KIF26B: variants seen among roughly 807,000 people sequenced by gnomAD.
KIF26B encodes the protein kinesin family member 26B.
Under a neutral mutation model 151.2 loss-of-function variants are expected in KIF26B, and 63 were observed. The observed-to-expected ratio is 0.42, with a 90% CI of 0.34 to 0.51. The LOEUF (loss-of-function observed/expected upper bound fraction) is 0.51, where lower values mean the gene tolerates loss of function less well. Ranked by LOEUF, KIF26B falls within the 20% of genes least tolerant of loss-of-function variation. KIF26B has a pLI of 0.07. For synonymous variants in KIF26B, 1,357 were observed against 1,262.1 expected (o/e 1.08, Z -1.59); for missense variants, 2,813 against 2,913.6 (o/e 0.97, Z 0.79).
intron 2 of KIF26B, among the ~76,000 whole-genome samples, chr1:245,184,050 GTTTTTTT>G (rs758993117): frequency 1.5e-4 from 3 of 19,804 alleles, no homozygotes; most frequent in Non-Finnish European, 2.0e-4. Flanking sequence ...GGGAGTTGTT[GTTTTTTT>G]TTTTTTTTTT....
chr1:245,578,344 G>T (rs765827105), intron 5 of KIF26B, among the ~76,000 whole-genome samples: 1 of 152,230 alleles, frequency 6.6e-6, no homozygotes, highest in Admixed American at 6.5e-5. Context: ...GTAGACATCA[G>T]CTTGGGTCTG....
intron 2 of KIF26B, among the ~76,000 whole-genome samples, chr1:245,171,971 A>G (rs1232441520): frequency 6.6e-6 from 1 of 152,256 alleles, no homozygotes; most frequent in African/African-American, 2.4e-5. Context: ...CCAAACTGCC[A>G]GAAGGGAAAA....
At chr1:245,699,122 C>T in intron 14 of KIF26B, 85 bp downstream of exon 14, 1 of 1,406,438 alleles carries the variant, frequency 7.1e-7, no homozygotes, top group Admixed American at 1.8e-5. Flanking sequence ...GTGACAGTGA[C>T]ACAGGCTGTG....
chr1:245,489,350 T>G (rs1353688185), intron 4 of KIF26B, among the ~76,000 whole-genome samples: 2 of 152,244 alleles, frequency 1.3e-5, no homozygotes, highest in African/African-American at 4.8e-5. Flanking sequence ...CTGATGCTAA[T>G]GTAGGAACGA....
In KIF26B at chr1:245,436,766, C is replaced by T. The variant is rs111354953; in HGVS notation, c.1166+17021C>T. On this transcript the variant is annotated intron_variant, in intron 4 of 14. Coordinates refer to ENST00000407071, the MANE Select transcript of KIF26B (RefSeq NM_018012.4). The stretch of plus-strand genomic sequence containing the variant: ...CCAAGTTGACACATAAAATTCATCA[C>T]CTCAAGAATCAGCACTAGGTTTAAC... 1.1e-3 allele frequency among the ~76,000 whole-genome samples: 166 copies of T among 152,290 alleles called. 1 individual carries two copies. The highest frequency in any genetic ancestry group is 3.7e-3 in the African/African-American group (153 of 41,568).
chr1:245,306,703 A>G (rs1245041698), intron 2 of KIF26B, among the ~76,000 whole-genome samples: 1 of 152,192 alleles, frequency 6.6e-6, no homozygotes, highest in Non-Finnish European at 1.5e-5. Flanking sequence ...AAATGCCATA[A>G]TTCGTCAAAC....
At chr1:245,535,952 T>C (rs1661480057) in intron 4 of KIF26B, among the ~76,000 whole-genome samples, 1 of 152,196 alleles carries the variant, frequency 6.6e-6, no homozygotes, top group African/African-American at 2.4e-5. Context: ...TGAGGCTTGA[T>C]AATAATATTT....
At chr1:245,633,946 T>C (rs906682374) in intron 9 of KIF26B, among the ~76,000 whole-genome samples, 1 of 152,122 alleles carries the variant, frequency 6.6e-6, no homozygotes, top group African/African-American at 2.4e-5. Flanking sequence ...GCTAGGATTA[T>C]AGGCACATGA....
At position 245,218,218 on chromosome 1, in the gene KIF26B, C is replaced by T. The variant is rs140160192; in HGVS notation, c.465+61535C>T. Among the ~76,000 whole-genome samples, 1,375 of 152,248 alleles carry T rather than the reference C, an allele frequency of 9.0e-3. 13 individuals are homozygous for T. Among genetic ancestry groups the T allele is most frequent in the Non-Finnish European group, 0.013 (856 of 68,008 alleles). On this transcript the variant is annotated intron_variant, in intron 2 of 14. Coordinates refer to ENST00000407071, the MANE Select transcript of KIF26B (RefSeq NM_018012.4). This position sits in a 1 kb window ranked among gnomAD's most constrained non-coding sequence, Gnocchi z 4.1. ...TTCATGTCACCAGAGCAGTGACATT[C>T]GGGCCCTCGGGGGCAGACTGTGCCT... is the stretch of plus-strand genomic sequence containing the variant.
intron 3 of KIF26B, among the ~76,000 whole-genome samples, chr1:245,380,997 A>G (rs1572033627): frequency 1.3e-5 from 2 of 150,454 alleles, no homozygotes; most frequent in South Asian, 4.2e-4. Context: ...CAATGCTGCC[A>G]TCTAGTGAGA....
intron 3 of KIF26B, among the ~76,000 whole-genome samples, chr1:245,392,906 C>T (rs1376204580): frequency 6.6e-6 from 1 of 152,064 alleles, no homozygotes; most frequent in African/African-American, 2.4e-5. Context: ...TGCGGTAGCT[C>T]ATGCTTGTAA....
intron 2 of KIF26B, among the ~76,000 whole-genome samples, chr1:245,187,606 T>G (rs1669022060): frequency 6.6e-6 from 1 of 152,228 alleles, no homozygotes; most frequent in Non-Finnish European, 1.5e-5. Flanking sequence ...CAAGAGAAGG[T>G]TCAGGTTCTT....
intron 10 of KIF26B, among the ~76,000 whole-genome samples, chr1:245,678,724 G>A (rs760552307): frequency 7.2e-5 from 11 of 152,026 alleles, no homozygotes; most frequent in African/African-American, 1.4e-4. Context: ...ATTGCTGGGC[G>A]TGGTGGTGCA....
intron 12 of KIF26B, among the ~76,000 whole-genome samples, chr1:245,693,707 G>A (rs150416180): frequency 2.5e-3 from 382 of 152,230 alleles, no homozygotes; most frequent in African/African-American, 8.7e-3. Context: ...AAAAACTTGT[G>A]ACTAATTGCT....
Position 245,607,656 on chromosome 1 carries a change from AGT to A in KIF26B, c.1569_1570del (p.Ala524ArgfsTer37). ...TCTCCTCTTGTGTCTGACAGGCTGAAGTGTGTGCAGGCACCGTGGCAGAGGTG... is the reference window on the plus strand; with the variant it reads ...TCTCCTCTTGTGTCTGACAGGCTGAAGTGTGCAGGCACCGTGGCAGAGGTG... ...VFPQDASQAEVCAGTVAEVIQ... is the reference protein window; with the variant it reads ...VFPQDASQAEXCAGTVAEVIQ... On this transcript the variant is annotated frameshift_variant, in exon 7 of 15. Coordinates refer to ENST00000407071, the MANE Select transcript of KIF26B (RefSeq NM_018012.4). LOFTEE classifies it high-confidence loss of function. 1 of 1,609,062 alleles carries A rather than the reference AGT, an allele frequency of 6.2e-7. No homozygotes were observed.
intron 2 of KIF26B, among the ~76,000 whole-genome samples, chr1:245,334,426 T>C (rs1672181770): frequency 6.6e-6 from 1 of 152,232 alleles, no homozygotes. Context: ...CAGTGCCACC[T>C]AGGTCTTTAC....
Position 245,419,716 on chromosome 1 carries a change from C to T in KIF26B, c.1137C>T (p.Gly379=), listed in dbSNP as rs1260852534. 9.9e-6 allele frequency: 16 copies of T among 1,612,938 alleles called. No individual in the cohort carries two copies. Among genetic ancestry groups the T allele is most frequent in the Non-Finnish European group, 1.4e-5 (16 of 1,179,396 alleles). ...GSCVASETST[G]TSVAASFFAR... is the part of the protein sequence containing the mutation. ...GCGTGGCCAGCGAGACTTCCACAGGCACATCGGTGGCCGCCTCCTTCTTTG... is the reference window on the plus strand; with the variant it reads ...GCGTGGCCAGCGAGACTTCCACAGGTACATCGGTGGCCGCCTCCTTCTTTG... Residue 379 remains glycine, a synonymous_variant, in exon 4 of 15, where the codon GGC becomes GGT. Coordinates refer to ENST00000407071, the MANE Select transcript of KIF26B (RefSeq NM_018012.4).
intron 2 of KIF26B, among the ~76,000 whole-genome samples, chr1:245,240,498 C>T (rs1670195988): frequency 6.6e-6 from 1 of 152,174 alleles, no homozygotes; most frequent in East Asian, 1.9e-4. Flanking sequence ...TATACACATA[C>T]ATGTACAGAC....
At chr1:245,697,995 T>C (rs2147967425) in intron 12 of KIF26B, 111 bp from the exon 13 acceptor site, 1 of 931,422 alleles carries the variant, frequency 1.1e-6, no homozygotes, top group African/African-American at 1.7e-5. Context: ...GAGCTATGGA[T>C]CGCACCACTG....
Sources: gnomAD v4.1 joint callset for allele counts (sites outside exome capture counted in the v4.1 genomes callset) on GRCh38, gnomAD v4.1.1 for gene constraint, Gnocchi (gnomAD v3.1) non-coding constraint, MANE v1.5 for transcripts, NCBI Gene and HGNC (gene_info 2026-07-23, HGNC 2026-07-21) for gene names.